Variants in DLGAP1 observed in about 807,000 individuals in gnomAD.
DLGAP1 encodes the protein DLG associated protein 1.
A neutral mutation model predicts 90.8 loss-of-function variants in DLGAP1; 11 were observed. The observed-to-expected ratio is 0.12, with a 90% CI of 0.08 to 0.20. The LOEUF (loss-of-function observed/expected upper bound fraction) is 0.20. Ranked by LOEUF, DLGAP1 falls within the 10% of genes least tolerant of loss-of-function variation. The probability of loss-of-function intolerance (pLI) is 1.00; values close to 1 mark genes in which losing one functional copy is unlikely to be tolerated. For synonymous variants in DLGAP1, 558 were observed against 540.7 expected, an observed-to-expected ratio of 1.03 and a Z score of -0.44; for missense variants, 1,050 against 1,333.8, an observed-to-expected ratio of 0.79 and a Z score of 3.31.
At position 4,342,736 on chromosome 18, in the gene DLGAP1, T is replaced by C. The variant is rs2081219914; in HGVS notation, c.-267+112270A>G. 6.6e-6 allele frequency among the ~76,000 whole-genome samples: 1 copy of C among 152,192 alleles called. No individual in the cohort carries two copies. Among genetic ancestry groups the C allele is most frequent in the Non-Finnish European group, 1.5e-5 (1 of 68,024 alleles). ...CATATCATTCTTATACCTGCTTGCT[T>C]ACACAATTAAGTTATTTTAAAAGAC... On this transcript the variant is annotated intron_variant, in intron 1 of 12. Coordinates refer to ENST00000315677, the MANE Select transcript of DLGAP1 (RefSeq NM_004746.4). The surrounding 1 kb of genome is among the most constrained non-coding windows in gnomAD (Gnocchi z 5.8).
intron 1 of DLGAP1, among the ~76,000 whole-genome samples, chr18:4,187,297 T>C (rs1349245867): frequency 1.3e-5 from 2 of 152,022 alleles, no homozygotes; most frequent in Non-Finnish European, 2.9e-5. Context: ...TGAATAGGAG[T>C]GGTGAGACAG....
chr18:4,434,736 G>A (rs939083552), intron 1 of DLGAP1, among the ~76,000 whole-genome samples: 1 of 152,180 alleles, frequency 6.6e-6, no homozygotes, highest in Admixed American at 6.5e-5. Context: ...GAACCCAGAG[G>A]AGGTGGTATG....
At chr18:3,506,188 G>A (rs781265704) in intron 11 of DLGAP1, among the ~76,000 whole-genome samples, 31 of 151,902 alleles carry the variant, frequency 2.0e-4, no homozygotes, top group Non-Finnish European at 4.0e-4. Context: ...AGTAAGCCAA[G>A]ATCACGCCAC....
intron 5 of DLGAP1, among the ~76,000 whole-genome samples, chr18:3,800,905 T>C (rs997575223): frequency 6.6e-6 from 1 of 152,124 alleles, no homozygotes; most frequent in Non-Finnish European, 1.5e-5. Context: ...AAAGAAATAC[T>C]TGAAGCTGGG....
intron 1 of DLGAP1, among the ~76,000 whole-genome samples, chr18:4,451,320 ATGTTTTG>A (rs2083823495): frequency 6.7e-6 from 1 of 148,918 alleles, no homozygotes; most frequent in African/African-American, 2.6e-5. Flanking sequence ...TCTCAATCAC[ATGTTTTG>A]CTCTGTAGGT....
intron 11 of DLGAP1, among the ~76,000 whole-genome samples, chr18:3,507,980 G>A (rs915532183): frequency 1.3e-5 from 2 of 152,200 alleles, no homozygotes; most frequent in South Asian, 2.1e-4. Flanking sequence ...CAGGTGATCC[G>A]TCTGCCTTGG....
chr18:3,690,502 C>A (rs557235751), intron 7 of DLGAP1, among the ~76,000 whole-genome samples: 1 of 152,018 alleles, frequency 6.6e-6, no homozygotes, highest in Non-Finnish European at 1.5e-5. Flanking sequence ...TATCCAAAGA[C>A]GAGCTGGGGC....
rs1039886444 is a variant in DLGAP1, at chr18:4,067,228, G to A, written c.-158-62027C>T. 5.3e-5 allele frequency among the ~76,000 whole-genome samples: 8 copies of A among 151,946 alleles called. No homozygotes were observed. In the South Asian group the frequency reaches 8.3e-4, roughly 16 times the overall value. Reference sequence around the variant, plus strand: ...ATCAAGAAAAACAACTAATGTGTACGGGGCTTAATACCTGAGTGATGAAAT... The same window carrying A: ...ATCAAGAAAAACAACTAATGTGTACAGGGCTTAATACCTGAGTGATGAAAT... On this transcript the variant is annotated intron_variant, in intron 2 of 12. Transcript: ENST00000315677.
intron 7 of DLGAP1, among the ~76,000 whole-genome samples, chr18:3,677,555 A>G (rs1442962749): frequency 6.6e-6 from 1 of 152,254 alleles, no homozygotes; most frequent in Non-Finnish European, 1.5e-5. Flanking sequence ...TTAATCCAGA[A>G]TTCTCAGCTA....
chr18:4,036,228 T>C (rs1490054723), intron 2 of DLGAP1, among the ~76,000 whole-genome samples: 1 of 152,152 alleles, frequency 6.6e-6, no homozygotes, highest in Non-Finnish European at 1.5e-5. Context: ...AATTTAAGCA[T>C]CCTTTAAAAG....
intron 1 of DLGAP1, among the ~76,000 whole-genome samples, chr18:4,244,306 C>T (rs143124300): frequency 2.0e-5 from 3 of 152,106 alleles, no homozygotes; most frequent in African/African-American, 7.2e-5. Context: ...TAACAAATGA[C>T]TTTAGCTTTC....
chr18:4,354,886 CCAAAAAAAAAA>C (rs2081473542), intron 1 of DLGAP1, among the ~76,000 whole-genome samples: 1 of 42,938 alleles, frequency 2.3e-5, no homozygotes, highest in Non-Finnish European at 4.2e-5. Context: ...ATTACTCTCA[CCAAAAAAAAAA>C]AAAAAAAAAA....
In DLGAP1 at chr18:3,520,816, C is replaced by T. The variant is rs533964202; in HGVS notation, c.2480-12155G>A. On this transcript the variant is annotated intron_variant, in intron 10 of 12. Transcript: ENST00000315677. Reference sequence around the variant, plus strand: ...CATTCTCCAAAGGGCAGCATGCCTTCGCTCTCGTATTTCTTCTGCTCTCCA... The same window carrying T: ...CATTCTCCAAAGGGCAGCATGCCTTTGCTCTCGTATTTCTTCTGCTCTCCA... 2.7e-3 allele frequency among the ~76,000 whole-genome samples: 406 copies of T among 152,310 alleles called. 2 individuals are homozygous for T. Among genetic ancestry groups the T allele is most frequent in the Non-Finnish European group, 4.2e-3 (289 of 68,022 alleles).
chr18:3,519,663 A>C (rs628238), intron 10 of DLGAP1, among the ~76,000 whole-genome samples: 109,949 of 152,054 alleles, frequency 0.72, 39,979 homozygotes, highest in South Asian at 0.8. Context: ...GTCCTGAATG[A>C]GGTTAGTGCC....
chr18:3,941,579 T>C (rs2072770018), intron 3 of DLGAP1, among the ~76,000 whole-genome samples: 1 of 152,248 alleles, frequency 6.6e-6, no homozygotes, highest in Non-Finnish European at 1.5e-5. Flanking sequence ...TGGAGGACCC[T>C]TGGGATTCAG....
intron 2 of DLGAP1, among the ~76,000 whole-genome samples, chr18:4,018,535 G>A (rs2074558966): frequency 6.6e-6 from 1 of 152,202 alleles, no homozygotes; most frequent in African/African-American, 2.4e-5. Flanking sequence ...TACAGCATCC[G>A]CTAAAACCGG....
At chr18:3,600,859 T>TATAG (rs2056922947) in intron 7 of DLGAP1, among the ~76,000 whole-genome samples, 2 of 81,948 alleles carry the variant, frequency 2.4e-5, no homozygotes, top group African/African-American at 5.6e-5. Context: ...TATATAGATA[T>TATAG]ATATAGATAT....
At chr18:3,941,522 G>A (rs1431045339) in intron 3 of DLGAP1, among the ~76,000 whole-genome samples, 1 of 152,216 alleles carries the variant, frequency 6.6e-6, no homozygotes, top group Non-Finnish European at 1.5e-5. Flanking sequence ...CCCAGAATCT[G>A]TAGAATTCCA....
intron 1 of DLGAP1, among the ~76,000 whole-genome samples, chr18:4,242,435 A>G (rs542785791): frequency 4.6e-5 from 7 of 152,224 alleles, no homozygotes; most frequent in African/African-American, 1.7e-4. Flanking sequence ...AATGAAGGAG[A>G]ACACAAGCAG....
Sources: gnomAD v4.1 joint callset for allele counts (sites outside exome capture counted in the v4.1 genomes callset) on GRCh38, gnomAD v4.1.1 for gene constraint, Gnocchi (gnomAD v3.1) non-coding constraint, MANE v1.5 for transcripts, NCBI Gene and HGNC (gene_info 2026-07-23, HGNC 2026-07-21) for gene names.